IQGAP2: variants seen among roughly 807,000 people sequenced by gnomAD.
IQGAP2 encodes ras GTPase-activating-like protein IQGAP2.
Under a neutral mutation model 201.3 loss-of-function variants are expected in IQGAP2, and 173 were observed. The observed-to-expected ratio is 0.86, with a 90% confidence interval of 0.76 to 0.98. IQGAP2 has a LOEUF of 0.98. IQGAP2 is among the 50% of genes least tolerant of loss of function. The pLI, the probability that IQGAP2 is intolerant of heterozygous loss-of-function variation, is 0.00. For missense variants in IQGAP2, 1,687 were observed against 1,864.8 expected (o/e 0.90, Z 1.76); for synonymous variants, 675 against 673.9 (o/e 1.00, Z -0.03).
chr5:76,681,076 C>T lies in IQGAP2; in HGVS notation c.3661-2039C>T, dbSNP rs186087854. Among the ~76,000 whole-genome samples the T allele has an allele frequency of 1.8e-3, 197 of 107,736 alleles. 1 individual carries two copies. Among genetic ancestry groups the T allele is most frequent in the Middle Eastern group, 9.3e-3 (1 of 108 alleles). The allele number at this position is 107,736 out of a possible 152,430, so 70.7% of individuals were successfully genotyped here. On this transcript the variant is annotated intron_variant, in intron 28 of 35. Transcript: ENST00000274364. ...AACCACTCCAGCCTGGGCAGCAGAGCGAGACTTTGTCTCAAAAAAAAAAAA... is the reference window on the plus strand; with the variant it reads ...AACCACTCCAGCCTGGGCAGCAGAGTGAGACTTTGTCTCAAAAAAAAAAAA...
At chr5:76,425,580 T>C (rs574243168) in intron 1 of IQGAP2, among the ~76,000 whole-genome samples, 5 of 152,276 alleles carry the variant, frequency 3.3e-5, no homozygotes, top group African/African-American at 1.2e-4. Context: ...GATAGAATGA[T>C]GTTTCCTGTT....
At chr5:76,663,705 T>C (rs1270905817) in intron 21 of IQGAP2, among the ~76,000 whole-genome samples, 1 of 43,100 alleles carries the variant, frequency 2.3e-5, no homozygotes, top group Non-Finnish European at 5.7e-5. Context: ...TGGCTTATTT[T>C]TAAAATTTGT....
chr5:76,662,881 A>G (rs1296749282), intron 21 of IQGAP2, among the ~76,000 whole-genome samples: 2 of 152,214 alleles, frequency 1.3e-5, no homozygotes, highest in African/African-American at 4.8e-5. Context: ...CCTTCTCTAT[A>G]AAAGCAATTG....
chr5:76,647,864 T>C (rs1202739357), intron 17 of IQGAP2, among the ~76,000 whole-genome samples: 1 of 143,284 alleles, frequency 7.0e-6, no homozygotes, highest in Non-Finnish European at 1.5e-5. Flanking sequence ...CGAAAAAAAC[T>C]GTAATGCCTC....
At chr5:76,405,900 AC>A (rs1750771755) in intron 1 of IQGAP2, among the ~76,000 whole-genome samples, 2 of 152,224 alleles carry the variant, frequency 1.3e-5, no homozygotes, top group African/African-American at 4.8e-5. Context: ...AACAGGTGTT[AC>A]CCCTAGCATT....
chr5:76,676,087 A>G (rs868332515), intron 27 of IQGAP2, among the ~76,000 whole-genome samples: 2 of 142,292 alleles, frequency 1.4e-5, no homozygotes, highest in African/African-American at 5.6e-5. Flanking sequence ...TCACACACAC[A>G]CACACACACA....
In IQGAP2 at chr5:76,683,140, T is replaced by A; in HGVS notation, c.3686T>A (p.Ile1229Asn). The part of the protein sequence containing the change: ...HSLLLEHQDA[I>N]APEKNDLLSE... Reference sequence around the variant, plus strand: ...CTCCTGTTGGAACACCAGGATGCAATTGCCCCTGAGAAAAATGACTTACTG... The same window carrying A: ...CTCCTGTTGGAACACCAGGATGCAAATGCCCCTGAGAAAAATGACTTACTG... Residue 1229 changes from isoleucine (I) to asparagine (N), a missense_variant, in exon 29 of 36, where the codon ATT (isoleucine) becomes AAT (asparagine). Ile to Asn is a moderately radical substitution (Grantham distance 149). Transcript: ENST00000274364. 1 of 1,611,976 alleles carries A rather than the reference T, an allele frequency of 6.2e-7. No individual in the cohort carries two copies. The highest frequency in any genetic ancestry group is 1.1e-5 in the South Asian group (1 of 90,796).
chr5:76,694,104 AT>A (rs1393972348), intron 31 of IQGAP2: 2 of 152,198 alleles, frequency 1.3e-5, no homozygotes, highest in African/African-American at 4.8e-5. Context: ...AATTTAATTG[AT>A]TGCCAAGGAA....
Position 76,528,845 on chromosome 5 carries a change from T to C in IQGAP2, c.147-33551T>C, listed in dbSNP as rs1002967765. On this transcript the variant is annotated intron_variant, in intron 2 of 35. Transcript: ENST00000274364. ...CCCTTCCTCATAGATGACTCTTTGC[T>C]TTTTAAAGGAATTGAAGGGCTATTC... Among the ~76,000 whole-genome samples, 5 of 152,226 alleles carry C rather than the reference T, an allele frequency of 3.3e-5. No individual in the cohort carries two copies. The South Asian group carries it at 1.0e-3, about 31-fold the overall frequency.
At chr5:76,529,680 T>C (rs1031292399) in intron 2 of IQGAP2, among the ~76,000 whole-genome samples, 19 of 149,558 alleles carry the variant, frequency 1.3e-4, no homozygotes, top group African/African-American at 4.2e-4. Flanking sequence ...ATAATAATGG[T>C]TATTTTTAAA....
chr5:76,592,997 A>C, intron 9 of IQGAP2, 72 bp downstream of exon 9: 2 of 1,015,734 alleles, frequency 2.0e-6, no homozygotes, highest in Non-Finnish European at 3.1e-6. Flanking sequence ...GAATCCCAAC[A>C]CAACTCTCAA....
intron 15 of IQGAP2, among the ~76,000 whole-genome samples, chr5:76,632,948 CACTCTCTTACTTGGCATCTGGT>C (rs1750824936): frequency 1.3e-5 from 2 of 152,064 alleles, no homozygotes; most frequent in Admixed American, 1.3e-4. Context: ...ATGAAATGAC[CACTCTCTTACTTGGCATCTGGT>C]CACCCTTGAG....
chr5:76,639,715 A>G (rs1751416340), intron 16 of IQGAP2, among the ~76,000 whole-genome samples: 1 of 152,214 alleles, frequency 6.6e-6, no homozygotes, highest in Non-Finnish European at 1.5e-5. Flanking sequence ...AGTATTTACT[A>G]AAACTTAGAG....
At chr5:76,626,368 G>C (rs930822795) in intron 13 of IQGAP2, among the ~76,000 whole-genome samples, 2 of 132,608 alleles carry the variant, frequency 1.5e-5, no homozygotes, top group African/African-American at 5.7e-5. Flanking sequence ...CACCCACCAG[G>C]TTCAAGCAAT....
intron 24 of IQGAP2, among the ~76,000 whole-genome samples, chr5:76,672,960 A>T (rs889614665): frequency 1.3e-5 from 2 of 151,892 alleles, no homozygotes; most frequent in Non-Finnish European, 2.9e-5. Flanking sequence ...ATGCTAAATG[A>T]CGAGTTAATG....
intron 2 of IQGAP2, among the ~76,000 whole-genome samples, chr5:76,500,118 A>G (rs1006654995): frequency 6.6e-6 from 1 of 152,158 alleles, no homozygotes; most frequent in Non-Finnish European, 1.5e-5. Context: ...AACAAAATGA[A>G]TGAATGAATA....
intron 1 of IQGAP2, among the ~76,000 whole-genome samples, chr5:76,425,307 G>T (rs1751934640): frequency 1.3e-5 from 2 of 152,004 alleles, no homozygotes. Context: ...TTTATTGCTT[G>T]GTTTCCTTTT....
At position 76,600,832 on chromosome 5, in the gene IQGAP2, G is replaced by A; in HGVS notation, c.1092G>A (p.Glu364=). 6.2e-7 allele frequency: 1 copy of A among 1,614,134 alleles called. No individual in the cohort carries two copies. Among genetic ancestry groups the A allele is most frequent in the African/African-American group, 1.3e-5 (1 of 75,050 alleles). The change falls in exon 11 of 36, where the codon GAG becomes GAA. Residue 364 remains glutamate, a synonymous_variant. Coordinates refer to ENST00000274364, the MANE Select transcript of IQGAP2 (RefSeq NM_006633.5). ...QNTMNYLAHE[E]LLIAVEMLSA... ...AACAGAACTACTTGGCCCACGAGGA[G>A]CTTTTGATTGCTGTGGAAATGTTGT...
chr5:76,617,384 A>C, intron 13 of IQGAP2: 1 of 527,430 alleles, frequency 1.9e-6, no homozygotes, highest in African/African-American at 1.9e-5. Flanking sequence ...AGATAGTGCC[A>C]CTGCACGCCA....
Sources: allele counts gnomAD v4.1 joint callset (sites outside exome capture counted in the v4.1 genomes callset), GRCh38; gene constraint gnomAD v4.1.1; transcripts MANE v1.5; gene names NCBI Gene and HGNC (gene_info 2026-07-23, HGNC 2026-07-21).